NSD3: variants seen among roughly 807,000 people sequenced by gnomAD.
The protein encoded by NSD3 is histone-lysine N-methyltransferase NSD3.
A neutral mutation model predicts 160.8 loss-of-function variants in NSD3; 24 were observed. The ratio of observed to expected loss-of-function variants is 0.15; its 90% CI spans 0.11 to 0.21. The LOEUF is 0.21. NSD3 is among the 10% of genes least tolerant of loss of function. NSD3 has a pLI of 1.00. For synonymous variants in NSD3, 520 were observed against 600.0 expected (o/e 0.87, Z 1.95); for missense variants, 1,157 against 1,735.9 (o/e 0.67, Z 5.93).
rs572809529 is a variant in NSD3 at position 38,332,880 on chromosome 8, A to G, written c.911-1295T>C. ...GTTCTAGAGAAAAAGTATTAGATCA[A>G]TGGAGAAATGCAGGAACTGATCTTT... On this transcript the variant is annotated intron_variant, in intron 4 of 23. Transcript: ENST00000317025. Among the ~76,000 whole-genome samples, 7 of 152,318 alleles carry G rather than the reference A, an allele frequency of 4.6e-5. No individual in the cohort carries two copies. In the South Asian group the frequency reaches 1.2e-3, roughly 27 times the overall value.
In NSD3 at chr8:38,348,053, A is replaced by G. The variant is rs759791522; in HGVS notation, c.119T>C (p.Ile40Thr). Residue 40 changes from isoleucine (I) to threonine (T), a missense_variant, in exon 2 of 24, where the codon ATT becomes ACT. Ile to Thr is a moderately conservative substitution (Grantham distance 89). Coordinates refer to ENST00000317025, the MANE Select transcript of NSD3 (RefSeq NM_023034.2). ...TGGTGTCTGGCCACCATCTTCAGCA[A>G]TGTCACTGTTGTTATCAAAGGCATC... Reference protein sequence around the residue: ...QEDAFDNNSDIAEDGGQTPYE... With the variant: ...QEDAFDNNSDTAEDGGQTPYE... 3.1e-6 allele frequency: 5 copies of G among 1,614,054 alleles called. No homozygotes were observed. The East Asian group carries it at 8.9e-5, about 29-fold the overall frequency.
chr8:38,277,227 C>A (rs1409406457), intron 22 of NSD3, among the ~76,000 whole-genome samples: 6 of 152,190 alleles, frequency 3.9e-5, no homozygotes, highest in Non-Finnish European at 1.5e-5. Context: ...CAGGCATGAG[C>A]CACTGCGCCT....
rs145635826 is a variant in NSD3, at chr8:38,332,786, T to C, written c.911-1201A>G. Among the ~76,000 whole-genome samples the C allele has an allele frequency of 5.3e-5, 8 of 152,168 alleles. No individual in the cohort carries two copies. The East Asian group carries it at 1.5e-3, about 29-fold the overall frequency. On this transcript the variant is annotated intron_variant, in intron 4 of 23. Coordinates refer to ENST00000317025, the MANE Select transcript of NSD3 (RefSeq NM_023034.2). ...TGTATTTTACAGAGGTATTAGTACA[T>C]AGTAGACTAGACATTTGAAAAAAGT...
At chr8:38,303,308 T>A in intron 14 of NSD3, 1 of 985,422 alleles carries the variant, frequency 1.0e-6, no homozygotes. Context: ...TATTTATTAT[T>A]TGCCCACCTG....
intron 1 of NSD3, among the ~76,000 whole-genome samples, chr8:38,366,730 T>C (rs1811115952): frequency 6.6e-6 from 1 of 152,172 alleles, no homozygotes; most frequent in Non-Finnish European, 1.5e-5. Context: ...CTTAATTCTT[T>C]CCCTTCACTA....
intron 1 of NSD3, among the ~76,000 whole-genome samples, chr8:38,364,795 T>C (rs1432905142): frequency 1.3e-5 from 2 of 152,202 alleles, no homozygotes; most frequent in African/African-American, 4.8e-5. Flanking sequence ...AAACATATAA[T>C]AGTCACAGTT....
At chr8:38,314,543 T>C in intron 12 of NSD3, 104 bp downstream of exon 12, 3 of 1,476,204 alleles carry the variant, frequency 2.0e-6, no homozygotes, top group Non-Finnish European at 2.7e-6. Context: ...GGAGGAGGGC[T>C]AATAAAAGTG....
At chr8:38,354,813 C>T (rs1206861770) in intron 1 of NSD3, among the ~76,000 whole-genome samples, 1 of 151,904 alleles carries the variant, frequency 6.6e-6, no homozygotes, top group Non-Finnish European at 1.5e-5. Flanking sequence ...GTGGTATAAG[C>T]CTCCATTAAA....
chr8:38,369,626 T>C (rs1399814173), intron 1 of NSD3, among the ~76,000 whole-genome samples: 2 of 152,160 alleles, frequency 1.3e-5, no homozygotes, highest in East Asian at 3.8e-4. Flanking sequence ...CTACGCACAC[T>C]CTAGTACTTC....
Position 38,329,592 on chromosome 8 carries a change from G to A in NSD3, c.1367C>T (p.Thr456Ile), listed in dbSNP as rs1187188057. ...EIRRHSQRRH[T>I]SAEEEEPPPV... ...CGGTGGCTCTTCCTCTTCCGCACTT[G>A]TGTGCCGCCTCTGGCTATGTCTCCG... The change falls in exon 6 of 24, where the codon ACA (threonine) becomes ATA (isoleucine). Residue 456 changes from threonine to isoleucine, a missense_variant. By Grantham distance (89) the Thr-to-Ile change is moderately conservative. Coordinates refer to ENST00000317025, the MANE Select transcript of NSD3 (RefSeq NM_023034.2). This position sits in a 1 kb window ranked among gnomAD's most constrained non-coding sequence, Gnocchi z 4.8. 1 of 1,614,226 alleles carries A rather than the reference G, an allele frequency of 6.2e-7. No individual in the cohort carries two copies. The highest frequency in any genetic ancestry group is 8.5e-7 in the Non-Finnish European group (1 of 1,180,042).
At position 38,378,315 on chromosome 8, in the gene NSD3, C is replaced by A. The variant is rs562976906; in HGVS notation, c.-45+3484G>T. Among the ~76,000 whole-genome samples the A allele has an allele frequency of 9.9e-5, 15 of 152,048 alleles. No individual in the cohort carries two copies. In the South Asian group the frequency reaches 3.1e-3, roughly 32 times the overall value. On this transcript the variant is annotated intron_variant, in intron 1 of 23. Transcript: ENST00000317025. ...GGTCAGGAGTTTGAGACCAGCCTGG[C>A]CAACATAGTGAAACCCTGTCTCTAC...
At chr8:38,376,953 C>G (rs967115695) in intron 1 of NSD3, among the ~76,000 whole-genome samples, 7 of 152,070 alleles carry the variant, frequency 4.6e-5, no homozygotes, top group African/African-American at 1.7e-4. Context: ...TGCTAACAAA[C>G]TAAATGTTAA....
chr8:38,271,245 A>C lies in NSD3; in HGVS notation c.*4396T>G, dbSNP rs1386560823. 1 of 152,214 alleles carries C rather than the reference A, an allele frequency of 6.6e-6. No homozygotes were observed. The highest frequency in any genetic ancestry group is 1.5e-5 in the Non-Finnish European group (1 of 68,036). 9.4% of individuals were successfully genotyped at this position (152,214 alleles called of 1,614,324 possible). A position where few individuals can be genotyped will look rare whatever the true frequency, so the allele number is the denominator to read the frequency against. On this transcript the variant is annotated 3_prime_UTR_variant, in exon 24 of 24. Coordinates refer to ENST00000317025, the MANE Select transcript of NSD3 (RefSeq NM_023034.2). ...AGAGACTAGGCTATTTATTTTCAAA[A>C]CAGTTTACAAAACAATGCTTTCTAC...
chr8:38,331,701 T>G, intron 4 of NSD3, 116 bp from the exon 5 acceptor site: 1 of 1,069,178 alleles, frequency 9.4e-7, no homozygotes, highest in South Asian at 1.7e-5. Context: ...ACTTGTATGT[T>G]TGGATTGTCC....
intron 15 of NSD3, among the ~76,000 whole-genome samples, chr8:38,296,699 T>A (rs1275164923): frequency 1.3e-5 from 2 of 151,074 alleles, no homozygotes; most frequent in African/African-American, 4.9e-5. Flanking sequence ...TGTGTGTGTG[T>A]GTGTGTGTGT....
rs547414104 is a variant in NSD3 at position 38,367,634 on chromosome 8, C to T, written c.-45+14165G>A. On this transcript the variant is annotated intron_variant, in intron 1 of 23. Transcript: ENST00000317025. ...GGCTGAGGCAGGAGAATCACTTGAACCCGGGAGGTGGAGGTTGCGGTGAGC... is the reference window on the plus strand; with the variant it reads ...GGCTGAGGCAGGAGAATCACTTGAATCCGGGAGGTGGAGGTTGCGGTGAGC... Among the ~76,000 whole-genome samples, 3 of 152,190 alleles carry T rather than the reference C, an allele frequency of 2.0e-5. No individual in the cohort carries two copies. The South Asian group carries it at 6.2e-4, about 32-fold the overall frequency.
intron 1 of NSD3, among the ~76,000 whole-genome samples, chr8:38,376,748 A>T (rs1161814457): frequency 6.6e-6 from 1 of 152,044 alleles, no homozygotes; most frequent in Non-Finnish European, 1.5e-5. Flanking sequence ...GGCAGCTCCA[A>T]TACTTTAAGG....
At chr8:38,369,904 C>T (rs1289874597) in intron 1 of NSD3, among the ~76,000 whole-genome samples, 1 of 152,108 alleles carries the variant, frequency 6.6e-6, no homozygotes, top group African/African-American at 2.4e-5. Context: ...AAGCGACTCT[C>T]CTGCCTCAGC....
chr8:38,289,357 T>C (rs1282531700), intron 18 of NSD3, 36 bp downstream of exon 18: 4 of 1,551,222 alleles, frequency 2.6e-6, no homozygotes, highest in Non-Finnish European at 2.6e-6. Flanking sequence ...GTTTCTTATT[T>C]TATTTGGCAA....
Sources: gnomAD v4.1 joint callset for allele counts (sites outside exome capture counted in the v4.1 genomes callset) on GRCh38, gnomAD v4.1.1 for gene constraint, Gnocchi (gnomAD v3.1) non-coding constraint, MANE v1.5 for transcripts, NCBI Gene and HGNC (gene_info 2026-07-23, HGNC 2026-07-21) for gene names.